AK9: variants seen among roughly 807,000 people sequenced by gnomAD.
The protein encoded by AK9 is adenylate kinase 9.
A neutral mutation model predicts 239.6 loss-of-function variants in AK9; 191 were observed. The observed-to-expected ratio is 0.80, with a 90% CI of 0.71 to 0.90. The LOEUF is 0.90. AK9 is among the 40% of genes least tolerant of loss of function. AK9 has a pLI of 0.00. For synonymous variants in AK9, 689 were observed against 721.0 expected, an observed-to-expected ratio of 0.96 and a Z score of 0.71; for missense variants, 1,995 against 2,214.7, an observed-to-expected ratio of 0.90 and a Z score of 1.99.
At chr6:109,635,464 C>T (rs1020759949) in intron 10 of AK9, among the ~76,000 whole-genome samples, 1 of 152,176 alleles carries the variant, frequency 6.6e-6, no homozygotes, top group African/African-American at 2.4e-5. Context: ...GTGCCAGAGC[C>T]ACTCCTACTC....
intron 17 of AK9, among the ~76,000 whole-genome samples, chr6:109,598,761 C>G (rs377403400): frequency 6.6e-6 from 1 of 152,136 alleles, no homozygotes; most frequent in African/African-American, 2.4e-5. Context: ...TTAATGATCG[C>G]CATTCTAACT....
intron 19 of AK9, among the ~76,000 whole-genome samples, chr6:109,582,623 CT>C (rs1157947196): frequency 6.6e-6 from 1 of 152,080 alleles, no homozygotes; most frequent in Non-Finnish European, 1.5e-5. Flanking sequence ...GAGATGGAAT[CT>C]ATTCTTGGTG....
intron 20 of AK9, among the ~76,000 whole-genome samples, chr6:109,575,944 T>C (rs1358132834): frequency 1.3e-5 from 2 of 152,074 alleles, no homozygotes; most frequent in African/African-American, 2.4e-5. Context: ...TATGTTTTGT[T>C]TGTTTGTTTT....
At chr6:109,497,286 T>C (rs1473372354) in intron 38 of AK9, among the ~76,000 whole-genome samples, 179 bp downstream of exon 38, 1 of 147,084 alleles carries the variant, frequency 6.8e-6, no homozygotes, top group Non-Finnish European at 1.5e-5. Flanking sequence ...AAATCCATCT[T>C]ACCCTGGACA....
intron 28 of AK9, among the ~76,000 whole-genome samples, chr6:109,532,158 T>C (rs1582871450): frequency 6.6e-6 from 1 of 152,330 alleles, no homozygotes; most frequent in African/African-American, 2.4e-5. Flanking sequence ...ATGAGCTCTC[T>C]GACACATTTT....
intron 24 of AK9, among the ~76,000 whole-genome samples, chr6:109,557,622 G>A (rs1254470364): frequency 1.3e-5 from 2 of 152,186 alleles, no homozygotes; most frequent in Non-Finnish European, 2.9e-5. Flanking sequence ...TGCAGAGACT[G>A]CAGTCACCCC....
intron 24 of AK9, among the ~76,000 whole-genome samples, chr6:109,557,451 T>C (rs150146674): frequency 4.6e-4 from 70 of 152,246 alleles, no homozygotes; most frequent in African/African-American, 1.7e-3. Flanking sequence ...CAACCCCTGT[T>C]AGAGGGTCTC....
At chr6:109,651,105 T>C (rs1441877174) in intron 8 of AK9, among the ~76,000 whole-genome samples, 2 of 151,998 alleles carry the variant, frequency 1.3e-5, no homozygotes, top group African/African-American at 4.8e-5. Flanking sequence ...TGGGGAGGGA[T>C]AGCATTAGGA....
chr6:109,664,800 C>T (rs576894100), intron 5 of AK9, among the ~76,000 whole-genome samples: 57 of 151,466 alleles, frequency 3.8e-4, no homozygotes, highest in Non-Finnish European at 7.1e-4. Flanking sequence ...TTTCGGAGGC[C>T]GAGGAGGGTG....
At chr6:109,670,430 T>C (rs1770682167) in intron 5 of AK9, among the ~76,000 whole-genome samples, 1 of 152,188 alleles carries the variant, frequency 6.6e-6, no homozygotes, top group Non-Finnish European at 1.5e-5. Flanking sequence ...GAAGTGTAGA[T>C]GAAACGAGAT....
At chr6:109,501,501 T>G (rs1777603003) in intron 35 of AK9, among the ~76,000 whole-genome samples, 1 of 152,210 alleles carries the variant, frequency 6.6e-6, no homozygotes, top group Non-Finnish European at 1.5e-5. Flanking sequence ...TGAAGGGATC[T>G]TTATTAACTG....
At chr6:109,547,595 A>G (rs899656593) in intron 25 of AK9, among the ~76,000 whole-genome samples, 2 of 152,228 alleles carry the variant, frequency 1.3e-5, no homozygotes, top group Non-Finnish European at 2.9e-5. Context: ...AAACTGCTAG[A>G]AGAAAACATT....
intron 25 of AK9, among the ~76,000 whole-genome samples, chr6:109,549,525 GTGTTT>G (rs894072499): frequency 2.0e-5 from 3 of 152,038 alleles, no homozygotes; most frequent in African/African-American, 4.8e-5. Flanking sequence ...GTCTGTGTTT[GTGTTT>G]TGTTTTATTT....
Position 109,691,138 on chromosome 6 carries a change from A to C in AK9, c.-12+9T>G, listed in dbSNP as rs1031013750. 6 of 552,800 alleles carry C rather than the reference A, an allele frequency of 1.1e-5. No individual in the cohort carries two copies. The African/African-American group carries it at 1.1e-4, about 10-fold the overall frequency. The allele number at this position is 552,800 out of a possible 1,614,324, so 34.2% of individuals were successfully genotyped here. ...TTTTTCTCCGCCCATGTTTTCCTCC[A>C]ATCCTTACCAAAGATGGTGCCCTTC... On this transcript the variant is annotated intron_variant, in intron 1 of 40. Transcript: ENST00000424296.
At chr6:109,667,452 T>A (rs540939222) in intron 5 of AK9, among the ~76,000 whole-genome samples, 1 of 152,240 alleles carries the variant, frequency 6.6e-6, no homozygotes, top group African/African-American at 2.4e-5. Flanking sequence ...GTGCACAATG[T>A]GCAGGTTTGT....
At chr6:109,574,739 G>A (rs1167521164) in intron 20 of AK9, among the ~76,000 whole-genome samples, 1 of 151,822 alleles carries the variant, frequency 6.6e-6, no homozygotes, top group Non-Finnish European at 1.5e-5. Context: ...AGTTTTTGAG[G>A]AACAGGTGGT....
intron 8 of AK9, among the ~76,000 whole-genome samples, chr6:109,648,761 T>C (rs567902998): frequency 1.3e-5 from 2 of 152,328 alleles, no homozygotes; most frequent in African/African-American, 2.4e-5. Flanking sequence ...ATCATCCTGA[T>C]ACCAAAGACT....
intron 9 of AK9, among the ~76,000 whole-genome samples, chr6:109,642,783 G>A (rs1303952708): frequency 2.0e-5 from 3 of 152,098 alleles, no homozygotes; most frequent in African/African-American, 7.2e-5. Flanking sequence ...GCACATTGGG[G>A]GCAGGGTGGT....
Position 109,542,151 on chromosome 6 carries a change from T to C in AK9, c.3246A>G (p.Thr1082=). 6.3e-7 allele frequency: 1 copy of C among 1,598,288 alleles called. No individual in the cohort carries two copies. The highest frequency in any genetic ancestry group is 1.1e-5 in the South Asian group (1 of 87,460). The part of the protein sequence containing the change: ...TKKQLPEVQL[T]EEEEVIKSSL... ...TTGATTTGATTACTTCTTCTTCTTC[T>C]GTAAGTTGTACTTCTGGAAGCTAAA... is the stretch of plus-strand genomic sequence containing the variant. Residue 1082 remains threonine, a synonymous_variant, in exon 27 of 41, where the codon ACA becomes ACG. Transcript: ENST00000424296.
Sources: allele counts gnomAD v4.1 joint callset (sites outside exome capture counted in the v4.1 genomes callset), GRCh38; gene constraint gnomAD v4.1.1; transcripts MANE v1.5; gene names NCBI Gene and HGNC (gene_info 2026-07-23, HGNC 2026-07-21).